STX1B: variants seen among roughly 807,000 people sequenced by gnomAD.
The protein encoded by STX1B is syntaxin-1B.
In STX1B, 7 loss-of-function variants were observed where a neutral mutation model predicts 39.4. The ratio of observed to expected loss-of-function variants is 0.18; its 90% confidence interval spans 0.10 to 0.33. The LOEUF is 0.33. Among genes scored for constraint, STX1B ranks in the 10% least tolerant of loss-of-function variants. The pLI is 1.00. For missense variants in STX1B, 198 were observed against 383.2 expected, an observed-to-expected ratio of 0.52 and a Z score of 4.04; for synonymous variants, 136 against 144.1, an observed-to-expected ratio of 0.94 and a Z score of 0.40.
rs774229767 is a variant in STX1B at position 30,993,431 on chromosome 16, C to A, written c.591G>T (p.Arg197Ser). Residue 197 changes from arginine (R) to serine (S), a missense_variant, in exon 8 of 10, where the codon AGG becomes AGT. Arg to Ser is a moderately radical substitution (Grantham distance 110). Transcript: ENST00000215095. ...TKQALNEIET[R>S]HNEIIKLETS... The stretch of plus-strand genomic sequence containing the variant: ...TCTCCAGCTTGATGATCTCATTGTG[C>A]CTCGTCTCAATCTCATTCAGCGCCT... 6.2e-7 allele frequency: 1 copy of A among 1,613,898 alleles called. No individual in the cohort carries two copies. Among genetic ancestry groups the A allele is most frequent in the African/African-American group, 1.3e-5 (1 of 74,908 alleles).
chr16:30,996,753 C>T lies in STX1B; in HGVS notation c.467G>A (p.Gly156Glu). Residue 156 changes from glycine to glutamate, a missense_variant, in exon 7 of 10, where the codon GGA becomes GAA. Physicochemically the swap from Gly to Glu is moderately conservative, Grantham distance 98. Coordinates refer to ENST00000215095, the MANE Select transcript of STX1B (RefSeq NM_052874.5). ...DRIQRQLEITGRTTTNEELED... is the reference protein window; with the variant it reads ...DRIQRQLEITERTTTNEELED... ...CAGTTCTTCGTTGGTGGTGGTCCTT[C>T]CAGCTGCGGGAAGAAAGGACTCCCT... is the stretch of plus-strand genomic sequence containing the variant. 1 of 1,614,076 alleles carries T rather than the reference C, an allele frequency of 6.2e-7. No homozygotes were observed. Among genetic ancestry groups the T allele is most frequent in the Non-Finnish European group, 8.5e-7 (1 of 1,179,912 alleles).
At position 30,992,058 on chromosome 16, in the gene STX1B, A is replaced by C. The variant is rs2143658428; in HGVS notation, c.*763T>G. ...TCCACAGTGTGGAGGGCTCTATCTG[A>C]GAAGACCTATCAATACTTCAGGCAC... On this transcript the variant is annotated 3_prime_UTR_variant, in exon 10 of 10. Transcript: ENST00000215095. 1 of 151,562 alleles carries C rather than the reference A, an allele frequency of 6.6e-6. No homozygotes were observed. Among genetic ancestry groups the C allele is most frequent in the Non-Finnish European group, 1.5e-5 (1 of 67,950 alleles). 9.4% of individuals were successfully genotyped at this position (151,562 alleles called of 1,614,324 possible). A position where few individuals can be genotyped will look rare whatever the true frequency, so the allele number is the denominator to read the frequency against.
intron 7 of STX1B, among the ~76,000 whole-genome samples, chr16:30,993,872 C>T (rs887339428): frequency 6.6e-6 from 1 of 151,884 alleles, no homozygotes; most frequent in Admixed American, 6.6e-5. Context: ...GTAATCATAG[C>T]TACTCAGGAG....
rs917086386 is a variant in STX1B, at chr16:30,989,777, C to T, written c.*3044G>A. 2 of 152,278 alleles carry T rather than the reference C, an allele frequency of 1.3e-5. No individual in the cohort carries two copies. Among genetic ancestry groups the T allele is most frequent in the South Asian group, 2.1e-4 (1 of 4,832 alleles). 9.4% of individuals were successfully genotyped at this position (152,278 alleles called of 1,614,324 possible). A position where few individuals can be genotyped will look rare whatever the true frequency, so the allele number is the denominator to read the frequency against. On this transcript the variant is annotated 3_prime_UTR_variant, in exon 10 of 10. Coordinates refer to ENST00000215095, the MANE Select transcript of STX1B (RefSeq NM_052874.5). ...CTCAGGGCGTGGCAAGAGCGTGTGTCGACCCACGGGTACATGGGATGGACA... is the reference window on the plus strand; with the variant it reads ...CTCAGGGCGTGGCAAGAGCGTGTGTTGACCCACGGGTACATGGGATGGACA...
intron 1 of STX1B, among the ~76,000 whole-genome samples, chr16:31,003,764 T>C (rs1223389162): frequency 1.3e-5 from 2 of 152,232 alleles, no homozygotes; most frequent in Admixed American, 1.3e-4. Context: ...TTATTTGGTA[T>C]AATAAATACA....
chr16:30,992,939 G>T, intron 9 of STX1B, 38 bp from the exon 10 acceptor site: 1 of 1,563,468 alleles, frequency 6.4e-7, no homozygotes, highest in Non-Finnish European at 8.8e-7. Flanking sequence ...CAGACAGTGA[G>T]AGAGATCGAC....
Position 31,001,223 on chromosome 16 carries a change from A to T in STX1B, c.106-30T>A, listed in dbSNP as rs1181063961. On this transcript the variant is annotated intron_variant, in intron 2 of 9. Coordinates refer to ENST00000215095, the MANE Select transcript of STX1B (RefSeq NM_052874.5). The surrounding 1 kb of genome is among the most constrained non-coding windows in gnomAD (Gnocchi z 5.5). ...AGCAGAAAATCGGCTATACCCAGCC[A>T]AGCTGTCAGGCCAAACAACGGGTTC... The T allele has an allele frequency of 6.2e-7, 1 of 1,606,678 alleles. No homozygotes were observed. Among genetic ancestry groups the T allele is most frequent in the East Asian group, 2.2e-5 (1 of 44,852 alleles).
At chr16:31,004,910 G>C (rs1365019076) in intron 1 of STX1B, among the ~76,000 whole-genome samples, 3 of 152,156 alleles carry the variant, frequency 2.0e-5, no homozygotes, top group African/African-American at 7.2e-5. Context: ...TAAATGTCAG[G>C]CTCTCTCCCT....
intron 4 of STX1B, among the ~76,000 whole-genome samples, chr16:30,999,027 A>G (rs986784938): frequency 1.3e-5 from 2 of 151,978 alleles, no homozygotes; most frequent in African/African-American, 2.4e-5. Flanking sequence ...ATGACTTTGG[A>G]AAAAAAAGTA....
rs761190061 is a variant in STX1B at position 31,000,859 on chromosome 16, CA to C, written c.280+68del. Reference sequence around the variant, plus strand: ...AGCAATTGGCCCCGCCTCGCCCTCCCAAAGGCCTGAGCCACCATGCTCCACC... The same window carrying C: ...AGCAATTGGCCCCGCCTCGCCCTCCCAAGGCCTGAGCCACCATGCTCCACC... On this transcript the variant is annotated intron_variant, in intron 4 of 9. Transcript: ENST00000215095. The C allele has an allele frequency of 1.9e-6, 3 of 1,555,802 alleles. No homozygotes were observed. The South Asian group carries it at 3.4e-5, about 17-fold the overall frequency.
intron 1 of STX1B, among the ~76,000 whole-genome samples, chr16:31,004,462 C>A (rs1282879259): frequency 6.6e-6 from 1 of 152,040 alleles, no homozygotes; most frequent in Non-Finnish European, 1.5e-5. Context: ...TCACTTGAAC[C>A]CAGGAGTTCA....
chr16:30,998,273 G>A (rs2056606078), intron 4 of STX1B, among the ~76,000 whole-genome samples: 1 of 152,244 alleles, frequency 6.6e-6, no homozygotes. Context: ...CTACCTCGGT[G>A]AGATCAGAAA....
intron 6 of STX1B, 69 bp from the exon 7 acceptor site, chr16:30,996,825 C>A: frequency 6.3e-7 from 1 of 1,576,652 alleles, no homozygotes; most frequent in Non-Finnish European, 8.7e-7. Flanking sequence ...GGTGATGGGG[C>A]GGGGACCTGG....
chr16:30,997,394 T>C (rs1596717176), intron 5 of STX1B, 108 bp downstream of exon 5: 10 of 262,650 alleles, frequency 3.8e-5, no homozygotes, highest in Non-Finnish European at 4.9e-5. Context: ...GCCCCAGCCC[T>C]CCCTGACCAC....
intron 5 of STX1B, 57 bp from the exon 6 acceptor site, chr16:30,997,116 G>T: frequency 2.4e-6 from 3 of 1,241,286 alleles, no homozygotes; most frequent in Non-Finnish European, 1.2e-6. Context: ...ATCAGGGAGG[G>T]AGTCAGGGAG....
intron 9 of STX1B, 45 bp downstream of exon 9, chr16:30,993,085 G>A (rs746459290): frequency 6.9e-6 from 11 of 1,582,976 alleles, no homozygotes; most frequent in African/African-American, 6.7e-5. Context: ...CCCGGGCTCA[G>A]CCTTGGGCTC....
rs187708334 is a variant in STX1B, at chr16:30,992,420, G to A, written c.*401C>T. 2 of 206,008 alleles carry A rather than the reference G, an allele frequency of 9.7e-6. No homozygotes were observed. The highest frequency in any genetic ancestry group is 1.0e-4 in the South Asian group (1 of 9,664). 12.8% of individuals were successfully genotyped at this position (206,008 alleles called of 1,614,324 possible). On this transcript the variant is annotated 3_prime_UTR_variant, in exon 10 of 10. Transcript: ENST00000215095. Reference sequence around the variant, plus strand: ...GAGGACAGAGAGGGCGTGATGGACTGCTGTGTTACACTTGGCTGCAGTCTA... The same window carrying A: ...GAGGACAGAGAGGGCGTGATGGACTACTGTGTTACACTTGGCTGCAGTCTA...
intron 7 of STX1B, among the ~76,000 whole-genome samples, chr16:30,995,061 G>A (rs534095503): frequency 3.3e-5 from 5 of 151,932 alleles, no homozygotes; most frequent in East Asian, 1.9e-4. Flanking sequence ...ACAGGCACAC[G>A]CCACCATGCC....
In STX1B at chr16:31,010,357, C is replaced by G. The variant is rs373070887; in HGVS notation, c.30+10G>C. ...TCCCGCCCCCCCATTCTCCCCACCC[C>G]CAAGCTCACACTCCGCAGCTCTTGA... On this transcript the variant is annotated intron_variant, in intron 1 of 9. Transcript: ENST00000215095. 3 of 1,495,254 alleles carry G rather than the reference C, an allele frequency of 2.0e-6. No individual in the cohort carries two copies. The highest frequency in any genetic ancestry group is 2.7e-6 in the Non-Finnish European group (3 of 1,111,462). 92.6% of individuals were successfully genotyped at this position (1,495,254 alleles called of 1,614,324 possible). A position where few individuals can be genotyped will look rare whatever the true frequency, so the allele number is the denominator to read the frequency against.
Sources: allele counts gnomAD v4.1 joint callset (sites outside exome capture counted in the v4.1 genomes callset), GRCh38; gene constraint gnomAD v4.1.1; non-coding constraint Gnocchi (gnomAD v3.1); transcripts MANE v1.5; gene names NCBI Gene and HGNC (gene_info 2026-07-23, HGNC 2026-07-21).